The following GALK2 variants were observed in gnomAD, a reference collection of about 807,000 sequenced individuals.
The protein encoded by GALK2 is N-acetylgalactosamine kinase.
GALK2 carries 36 observed loss-of-function variants against 52.4 expected under a neutral mutation model. The ratio of observed to expected loss-of-function variants is 0.69; its 90% CI spans 0.53 to 0.91. The LOEUF (loss-of-function observed/expected upper bound fraction) is 0.91. GALK2 is among the 40% of genes least tolerant of loss of function. The pLI is 0.00. For synonymous variants in GALK2, 176 were observed against 199.1 expected (o/e 0.88, Z 0.98); for missense variants, 579 against 559.1 (o/e 1.04, Z -0.36).
In GALK2 at chr15:49,302,015, C is replaced by A. The variant is rs993997657; in HGVS notation, c.967+9478C>A. On this transcript the variant is annotated intron_variant, in intron 8 of 9. Coordinates refer to ENST00000560031, the MANE Select transcript of GALK2 (RefSeq NM_002044.4). Reference sequence around the variant, plus strand: ...TTCTAATTTGAATCTCACAACAACCCTGGGGCACAGGGTTATCTGCATTTC... The same window carrying A: ...TTCTAATTTGAATCTCACAACAACCATGGGGCACAGGGTTATCTGCATTTC... 3.3e-5 allele frequency among the ~76,000 whole-genome samples: 5 copies of A among 152,208 alleles called. No individual in the cohort carries two copies. In the East Asian group the frequency reaches 9.6e-4, roughly 29 times the overall value.
intron 5 of GALK2, among the ~76,000 whole-genome samples, chr15:49,270,816 A>T (rs1266416196): frequency 6.6e-6 from 1 of 152,222 alleles, no homozygotes; most frequent in Non-Finnish European, 1.5e-5. Flanking sequence ...ATTAGCAAGT[A>T]TTCTCATAGT....
At chr15:49,231,178 A>G (rs928964991) in intron 3 of GALK2, among the ~76,000 whole-genome samples, 1 of 152,198 alleles carries the variant, frequency 6.6e-6, no homozygotes. Context: ...TACAGGAAGC[A>G]TGGCTGCGGA....
intron 8 of GALK2, among the ~76,000 whole-genome samples, chr15:49,300,534 T>C (rs1171626833): frequency 6.6e-6 from 1 of 152,124 alleles, no homozygotes; most frequent in Non-Finnish European, 1.5e-5. Flanking sequence ...ATAGTTGATA[T>C]GGTTTGGCTG....
At chr15:49,245,881 A>G (rs974843528) in intron 5 of GALK2, among the ~76,000 whole-genome samples, 6 of 152,204 alleles carry the variant, frequency 3.9e-5, no homozygotes, top group South Asian at 4.1e-4. Flanking sequence ...ATTTTCTTGA[A>G]CATTAAACAA....
In GALK2 at chr15:49,365,769, C is replaced by T. The variant is rs181254203; in HGVS notation, c.427-1722C>T. ...AAGCCCACCTGTCTTCATTTTGAAA[C>T]ACAGCCCAAACAATAGCTATTGCTA... On this transcript the variant is annotated intron_variant, in intron 3 of 3. Coordinates refer to the GALK2 transcript ENST00000558399. 1.9e-4 allele frequency: 159 copies of T among 857,992 alleles called. 1 individual carries two copies. In the East Asian group the frequency reaches 3.5e-3, roughly 19 times the overall value. The allele number at this position is 857,992 out of a possible 1,614,324, so 53.1% of individuals were successfully genotyped here.
In GALK2 at chr15:49,319,634, A is replaced by G. The variant is rs2036725286; in HGVS notation, c.998A>G (p.Lys333Arg). ...VLIFKLYQRA[K>R]HVYSEAARVL... is the part of the protein sequence containing the mutation. The stretch of plus-strand genomic sequence containing the variant: ...ATCTTCAAACTCTATCAGCGGGCAA[A>G]GCATGTGTACAGCGAGGCTGCGCGA... Residue 333 changes from lysine (K) to arginine (R), a missense_variant, in exon 9 of 10, where the codon AAG (lysine) becomes AGG (arginine). Coordinates refer to ENST00000560031, the MANE Select transcript of GALK2 (RefSeq NM_002044.4). The G allele has an allele frequency of 1.9e-6, 3 of 1,614,132 alleles. No individual in the cohort carries two copies. In the African/African-American group the frequency reaches 4.0e-5, roughly 22 times the overall value.
chr15:49,321,002 T>C (rs547573568), intron 9 of GALK2, among the ~76,000 whole-genome samples: 1 of 152,288 alleles, frequency 6.6e-6, no homozygotes, highest in East Asian at 1.9e-4. Flanking sequence ...AACTTTCTCT[T>C]CCTAGAGTGG....
At chr15:49,171,082 C>CTTTTTTT (rs201895577) in intron 1 of GALK2, among the ~76,000 whole-genome samples, 52 of 129,906 alleles carry the variant, frequency 4.0e-4, no homozygotes, top group Non-Finnish European at 5.0e-4. Flanking sequence ...TTTTCTTTTT[C>CTTTTTTT]TTTTTTTTTT....
Position 49,328,880 on chromosome 15 carries a change from C to A in GALK2, c.*721C>A. 1 of 1,320,372 alleles carries A rather than the reference C, an allele frequency of 7.6e-7. No homozygotes were observed. The highest frequency in any genetic ancestry group is 9.7e-7 in the Non-Finnish European group (1 of 1,032,272). The allele number at this position is 1,320,372 out of a possible 1,614,324, so 81.8% of individuals were successfully genotyped here. On this transcript the variant is annotated 3_prime_UTR_variant, in exon 10 of 10. Coordinates refer to ENST00000560031, the MANE Select transcript of GALK2 (RefSeq NM_002044.4). ...AAATAACCACTTTCAATTCTTTTGG[C>A]CCTGAGCTATCTCCATTACTTAATA...
intron 8 of GALK2, among the ~76,000 whole-genome samples, chr15:49,299,229 G>A (rs1328540342): frequency 2.0e-5 from 3 of 152,040 alleles, no homozygotes; most frequent in African/African-American, 7.2e-5. Context: ...GAGGTCAGTG[G>A]TGATATCACC....
At chr15:49,222,305 T>C (rs2089855814) in intron 3 of GALK2, among the ~76,000 whole-genome samples, 1 of 152,196 alleles carries the variant, frequency 6.6e-6, no homozygotes, top group Non-Finnish European at 1.5e-5. Flanking sequence ...TTTTAGAGTC[T>C]AGGTTTTTCT....
At chr15:49,245,355 T>G (rs1013033122) in intron 5 of GALK2, among the ~76,000 whole-genome samples, 3 of 152,198 alleles carry the variant, frequency 2.0e-5, no homozygotes, top group African/African-American at 7.2e-5. Flanking sequence ...GCCTTTGTTG[T>G]TGTTATAAGC....
intron 1 of GALK2, among the ~76,000 whole-genome samples, chr15:49,186,841 A>G (rs1043054245): frequency 1.3e-5 from 2 of 152,060 alleles, no homozygotes; most frequent in African/African-American, 4.8e-5. Context: ...CTGGTCTGTT[A>G]TCCTGAATTT....
chr15:49,282,749 C>G (rs2141765176), intron 6 of GALK2, among the ~76,000 whole-genome samples: 1 of 152,252 alleles, frequency 6.6e-6, no homozygotes, highest in East Asian at 1.9e-4. Context: ...CATCAGATTC[C>G]TACAGGCTTG....
At chr15:49,307,119 C>T (rs1426011690) in intron 8 of GALK2, among the ~76,000 whole-genome samples, 1 of 152,142 alleles carries the variant, frequency 6.6e-6, no homozygotes, top group Admixed American at 6.6e-5. Flanking sequence ...AAAGAGGTGG[C>T]ATCCAGGCTG....
intron 5 of GALK2, among the ~76,000 whole-genome samples, chr15:49,243,715 T>A (rs1470150921): frequency 6.6e-6 from 1 of 152,014 alleles, no homozygotes; most frequent in African/African-American, 2.4e-5. Context: ...CTCAGAGAGA[T>A]AAAAGAAAAT....
rs1386550740 is a variant in GALK2, at chr15:49,292,492, C to G, written c.922C>G (p.Leu308Val). 20 of 1,613,920 alleles carry G rather than the reference C, an allele frequency of 1.2e-5. No homozygotes were observed. Among genetic ancestry groups the G allele is most frequent in the Non-Finnish European group, 1.6e-5 (19 of 1,179,984 alleles). Residue 308 changes from leucine to valine, a missense_variant, in exon 8 of 10, where the codon CTG becomes GTG. Transcript: ENST00000560031. Reference sequence around the variant, plus strand: ...GATCTGCAGGTGTCTGGGAATTAGCCTGGAGGAACTCCGAACCCAAATCCT... The same window carrying G: ...GATCTGCAGGTGTCTGGGAATTAGCGTGGAGGAACTCCGAACCCAAATCCT... ...EEICRCLGIS[L>V]EELRTQILSP... is the part of the protein sequence containing the mutation.
intron 1 of GALK2, among the ~76,000 whole-genome samples, chr15:49,179,411 G>A (rs770435919): frequency 6.6e-6 from 1 of 152,052 alleles, no homozygotes; most frequent in Non-Finnish European, 1.5e-5. Context: ...GCCATGACTC[G>A]ATATCCTGAT....
chr15:49,365,514 TG>T (rs2044994897), intron 3 of GALK2: 24 of 853,364 alleles, frequency 2.8e-5, no homozygotes, highest in Non-Finnish European at 2.1e-6. Flanking sequence ...AGATCAGCTT[TG>T]GTACTCTGAT....
Sources: allele counts gnomAD v4.1 joint callset (sites outside exome capture counted in the v4.1 genomes callset), GRCh38; gene constraint gnomAD v4.1.1; transcripts MANE v1.5; gene names NCBI Gene and HGNC (gene_info 2026-07-23, HGNC 2026-07-21).